The following KANK1 variants were observed in gnomAD, a reference collection of about 807,000 sequenced individuals.
The protein encoded by KANK1 is KN motif and ankyrin repeat domain-containing protein 1.
A neutral mutation model predicts 106.2 loss-of-function variants in KANK1; 109 were observed. That is an observed-to-expected ratio of 1.03 (90% CI 0.88 to 1.20). KANK1 has a LOEUF of 1.20. KANK1 is among the 50% of genes most tolerant of loss of function. KANK1 has a pLI of 0.00. For missense variants in KANK1, 2,399 were observed against 1,710.7 expected (o/e 1.40, Z -7.10); for synonymous variants, 873 against 652.2 (o/e 1.34, Z -5.16).
intron 2 of KANK1, chr9:684,120 A>T: frequency 1.0e-6 from 1 of 974,394 alleles, no homozygotes; most frequent in South Asian, 4.8e-5. Flanking sequence ...TGCTTGTTTC[A>T]TAAACTCTTA....
upstream of KANK1, among the ~76,000 whole-genome samples, chr9:503,549 C>T (rs1195223166): frequency 6.6e-6 from 1 of 152,208 alleles, no homozygotes; most frequent in Non-Finnish European, 1.5e-5. Context: ...TTTGATGGCT[C>T]TTCACTTGCA....
At chr9:629,059 A>G (rs1021573208) in intron 1 of KANK1, among the ~76,000 whole-genome samples, 10 of 142,250 alleles carry the variant, frequency 7.0e-5, no homozygotes, top group East Asian at 2.0e-4. Context: ...AGCCTGGGCA[A>G]CAGGGCACAA....
intron 1 of KANK1, among the ~76,000 whole-genome samples, chr9:562,637 C>G (rs774434155): frequency 9.2e-5 from 14 of 152,120 alleles, no homozygotes; most frequent in Non-Finnish European, 1.9e-4. Context: ...CAATACAAGT[C>G]AGAGAGTTAC....
intron 1 of KANK1, among the ~76,000 whole-genome samples, chr9:564,196 A>G (rs1445979905): frequency 2.6e-5 from 4 of 151,514 alleles, no homozygotes; most frequent in Non-Finnish European, 4.4e-5. Context: ...AGTAGCTGGG[A>G]TTACAGACGC....
intron 1 of KANK1, among the ~76,000 whole-genome samples, chr9:567,224 C>A (rs1262308121): frequency 6.6e-6 from 1 of 152,104 alleles, no homozygotes; most frequent in Non-Finnish European, 1.5e-5. Context: ...GTACCAGTGC[C>A]ATGCTGTTTT....
intron 2 of KANK1, among the ~76,000 whole-genome samples, chr9:681,840 C>A (rs1817611255): frequency 6.6e-6 from 1 of 152,124 alleles, no homozygotes; most frequent in African/African-American, 2.4e-5. Context: ...TATGCCTGCT[C>A]TTATCATCTT....
intron 8 of KANK1, among the ~76,000 whole-genome samples, chr9:738,895 G>A (rs774709050): frequency 9.2e-5 from 14 of 152,162 alleles, no homozygotes; most frequent in East Asian, 3.9e-4. Flanking sequence ...GCCTTGGTGC[G>A]TGTGGACCAC....
At chr9:665,259 C>T (rs1298045497) in intron 1 of KANK1, among the ~76,000 whole-genome samples, 1 of 152,182 alleles carries the variant, frequency 6.6e-6, no homozygotes, top group East Asian at 1.9e-4. Flanking sequence ...TGTCCTGGAG[C>T]ATTTCCCCAA....
At chr9:742,165 C>T in intron 9 of KANK1, 40 bp from the exon 10 acceptor site, 2 of 1,575,342 alleles carry the variant, frequency 1.3e-6, no homozygotes, top group South Asian at 1.1e-5. Flanking sequence ...ACTGCCAGCT[C>T]AGTACGTACT....
rs778759330 is a variant in KANK1, at chr9:696,649, T to C, written c.38-14155T>C. Among the ~76,000 whole-genome samples the C allele has an allele frequency of 4.6e-5, 7 of 152,210 alleles. No individual in the cohort carries two copies. In the East Asian group the frequency reaches 7.7e-4, roughly 17 times the overall value. Reference sequence around the variant, plus strand: ...GGGGAGGAACCTGGGAGGTGCTGGATTGGGGCTAAATTGTTGACATTTCGT... The same window carrying C: ...GGGGAGGAACCTGGGAGGTGCTGGACTGGGGCTAAATTGTTGACATTTCGT... On this transcript the variant is annotated intron_variant, in intron 2 of 11. Transcript: ENST00000382297.
At chr9:541,001 C>T (rs999627657) in intron 1 of KANK1, among the ~76,000 whole-genome samples, 2 of 151,914 alleles carry the variant, frequency 1.3e-5, no homozygotes, top group Non-Finnish European at 2.9e-5. Context: ...TTTTCTAATT[C>T]CTTGAGGTGT....
rs1008909267 is a variant in KANK1 at position 570,370 on chromosome 9, T to A, written c.-84+65616T>A. ...CAGTGTTGAGATAAGAGAGGTTTGC[T>A]GGCAGTTGCACTGATGGCTGCACTG... On this transcript the variant is annotated intron_variant, in intron 1 of 11. Coordinates refer to ENST00000382297, the MANE Select transcript of KANK1 (RefSeq NM_015158.5). Among the ~76,000 whole-genome samples the A allele has an allele frequency of 5.3e-4, 80 of 152,226 alleles. 5 individuals carry two copies.
At chr9:667,656 G>A (rs143960567) in intron 1 of KANK1, among the ~76,000 whole-genome samples, 24 of 149,750 alleles carry the variant, frequency 1.6e-4, no homozygotes, top group Non-Finnish European at 2.8e-4. Flanking sequence ...ATTTTTAAAT[G>A]TTCTTATTTC....
At chr9:705,601 G>C (rs779542751) in intron 2 of KANK1, among the ~76,000 whole-genome samples, 7 of 151,644 alleles carry the variant, frequency 4.6e-5, no homozygotes, top group East Asian at 1.9e-4. Flanking sequence ...ATTTTTTTTG[G>C]GGGGGTGGGG....
chr9:625,090 G>T (rs945172457), intron 1 of KANK1, among the ~76,000 whole-genome samples: 1 of 152,174 alleles, frequency 6.6e-6, no homozygotes, highest in Non-Finnish European at 1.5e-5. Context: ...GTGTACAGCA[G>T]TTAGCACCGT....
rs1203910825 is a variant in KANK1, at chr9:744,607, G to A, written c.3996+18G>A. 6.2e-7 allele frequency: 1 copy of A among 1,614,044 alleles called. No individual in the cohort carries two copies. The highest frequency in any genetic ancestry group is 1.7e-5 in the Admixed American group (1 of 60,002). Reference sequence around the variant, plus strand: ...AGTCTCCGGTCAGTGTTGTGCATTTGGCATTTGTAAATAGGCTGAAATCCA... The same window carrying A: ...AGTCTCCGGTCAGTGTTGTGCATTTAGCATTTGTAAATAGGCTGAAATCCA... On this transcript the variant is annotated intron_variant, in intron 11 of 11. Coordinates refer to ENST00000382297, the MANE Select transcript of KANK1 (RefSeq NM_015158.5).
chr9:710,757 T>C, intron 2 of KANK1, 47 bp from the exon 3 acceptor site: 1 of 1,500,526 alleles, frequency 6.7e-7, no homozygotes, highest in Non-Finnish European at 8.9e-7. Context: ...GTTTTTACCA[T>C]TAGGTGTATT....
intron 1 of KANK1, among the ~76,000 whole-genome samples, chr9:569,046 C>G (rs1718181075): frequency 6.6e-6 from 1 of 152,070 alleles, no homozygotes. Context: ...CAGCTGGGGA[C>G]CAGCTCCACT....
chr9:644,197 A>G (rs1172803663), intron 1 of KANK1, among the ~76,000 whole-genome samples: 1 of 150,996 alleles, frequency 6.6e-6, no homozygotes, highest in East Asian at 1.9e-4. Context: ...AGCAGATCCT[A>G]TCCTAGCCTT....
Sources: gnomAD v4.1 joint callset for allele counts (sites outside exome capture counted in the v4.1 genomes callset) on GRCh38, gnomAD v4.1.1 for gene constraint, MANE v1.5 for transcripts, NCBI Gene and HGNC (gene_info 2026-07-23, HGNC 2026-07-21) for gene names.